PTPRG: variants seen among roughly 807,000 people sequenced by gnomAD.
PTPRG encodes protein tyrosine phosphatase receptor type G.
Under a neutral mutation model 165.3 loss-of-function variants are expected in PTPRG, and 102 were observed. The ratio of observed to expected loss-of-function variants is 0.62; its 90% CI spans 0.53 to 0.73. The LOEUF (loss-of-function observed/expected upper bound fraction) is 0.73. Ranked by LOEUF, PTPRG falls within the 30% of genes least tolerant of loss-of-function variation. The probability of loss-of-function intolerance (pLI) is 0.00; values close to 1 mark genes in which losing one functional copy is unlikely to be tolerated. For missense variants in PTPRG, 1,866 were observed against 1,861.4 expected (o/e 1.00, Z -0.05); for synonymous variants, 675 against 669.5 (o/e 1.01, Z -0.13).
intron 2 of PTPRG, among the ~76,000 whole-genome samples, chr3:61,895,557 C>T (rs775910358): frequency 2.6e-5 from 4 of 152,164 alleles, no homozygotes; most frequent in African/African-American, 4.8e-5. Context: ...GAGCAATTAT[C>T]CACATGTCTT....
intron 2 of PTPRG, 138 bp downstream of exon 2, chr3:61,749,120 A>G: frequency 1.3e-6 from 1 of 781,850 alleles, no homozygotes; most frequent in Non-Finnish European, 2.2e-6. Context: ...AAGTTGAAAT[A>G]TTCGAGCCTG....
intron 8 of PTPRG, among the ~76,000 whole-genome samples, chr3:62,176,435 A>G (rs1167007905): frequency 6.6e-6 from 1 of 152,196 alleles, no homozygotes; most frequent in Non-Finnish European, 1.5e-5. Flanking sequence ...TCCATCATCC[A>G]AGGGACCGCC....
chr3:61,577,359 C>A (rs1700192961), intron 1 of PTPRG, among the ~76,000 whole-genome samples: 1 of 152,090 alleles, frequency 6.6e-6, no homozygotes, highest in African/African-American at 2.4e-5. Flanking sequence ...TGAGCCTTTG[C>A]TTAATGAATG....
chr3:62,125,514 C>A (rs892930728), intron 5 of PTPRG, among the ~76,000 whole-genome samples: 11 of 152,158 alleles, frequency 7.2e-5, no homozygotes, highest in African/African-American at 2.7e-4. Flanking sequence ...CTGCCTTCTC[C>A]ACTAAGCCTT....
intron 2 of PTPRG, among the ~76,000 whole-genome samples, chr3:61,967,846 T>G (rs2107653737): frequency 6.6e-6 from 1 of 152,296 alleles, no homozygotes; most frequent in South Asian, 2.1e-4. Context: ...AACAAAAGCT[T>G]GTGTGTGCGT....
At position 62,136,421 on chromosome 3, in the gene PTPRG, C is replaced by G. The variant is rs141036387; in HGVS notation, c.682+3753C>G. Among the ~76,000 whole-genome samples, 6 of 152,190 alleles carry G rather than the reference C, an allele frequency of 3.9e-5. No individual in the cohort carries two copies. The East Asian group carries it at 1.2e-3, about 30-fold the overall frequency. ...GACAGAGAAGGGATGCAGGCAGGACCAGTATAGATGAAGGTGTCTGTTGGT... is the reference window on the plus strand; with the variant it reads ...GACAGAGAAGGGATGCAGGCAGGACGAGTATAGATGAAGGTGTCTGTTGGT... On this transcript the variant is annotated intron_variant, in intron 6 of 29. Transcript: ENST00000474889.
rs887525882 is a variant in PTPRG, at chr3:61,889,745, C to G, written c.191-99880C>G. ...ATCACACTCTTCCCCAGAAATCAAT[C>G]ATGCCTTCTTAAACTATTTCCATCC... On this transcript the variant is annotated intron_variant, in intron 2 of 29. Coordinates refer to ENST00000474889, the MANE Select transcript of PTPRG (RefSeq NM_002841.4). 2.0e-5 allele frequency among the ~76,000 whole-genome samples: 3 copies of G among 152,208 alleles called. No homozygotes were observed. In the South Asian group the frequency reaches 6.2e-4, roughly 31 times the overall value.
intron 1 of PTPRG, among the ~76,000 whole-genome samples, chr3:61,735,294 T>C (rs1170707949): frequency 1.3e-5 from 2 of 152,220 alleles, no homozygotes; most frequent in Non-Finnish European, 2.9e-5. Context: ...GAGACTCGTA[T>C]TGTGTTATTT....
intron 7 of PTPRG, among the ~76,000 whole-genome samples, chr3:62,165,751 A>G (rs1330656419): frequency 1.3e-5 from 2 of 152,210 alleles, no homozygotes; most frequent in East Asian, 1.9e-4. Context: ...GGGAGGTAGA[A>G]TGATAGGTGA....
At chr3:61,600,523 G>A (rs1336972671) in intron 1 of PTPRG, among the ~76,000 whole-genome samples, 1 of 151,886 alleles carries the variant, frequency 6.6e-6, no homozygotes, top group Admixed American at 6.6e-5. Context: ...ATGATGATGT[G>A]GTTTTGGTTC....
chr3:62,046,719 CCAAA>C (rs1255510471), intron 4 of PTPRG, among the ~76,000 whole-genome samples: 1 of 151,972 alleles, frequency 6.6e-6, no homozygotes, highest in African/African-American at 2.4e-5. Flanking sequence ...TGAACTAGTC[CCAAA>C]CAAAGATTTT....
chr3:61,907,327 G>GTC (rs2038681865), intron 2 of PTPRG, among the ~76,000 whole-genome samples: 1 of 152,068 alleles, frequency 6.6e-6, no homozygotes, highest in Non-Finnish European at 1.5e-5. Flanking sequence ...AAGGCACATG[G>GTC]TCTCTCTCCC....
At chr3:62,021,170 G>A (rs1177943090) in intron 4 of PTPRG, among the ~76,000 whole-genome samples, 4 of 152,208 alleles carry the variant, frequency 2.6e-5, no homozygotes, top group East Asian at 3.8e-4. Flanking sequence ...ACTTAGAAAC[G>A]TATAGTTTAG....
chr3:62,281,687 A>G lies in PTPRG; in HGVS notation c.3890A>G (p.Asp1297Gly), dbSNP rs767941223. 2.5e-6 allele frequency: 4 copies of G among 1,611,506 alleles called. No homozygotes were observed. Among genetic ancestry groups the G allele is most frequent in the Non-Finnish European group, 2.5e-6 (3 of 1,178,650 alleles). Residue 1297 changes from aspartate to glycine, a missense_variant, in exon 27 of 30, where the codon GAC (aspartate) becomes GGC (glycine). This residue lies in a region of PTPRG where 1,452 missense variants were observed against 1,463.0 expected (regional missense o/e 0.99). Coordinates refer to ENST00000474889, the MANE Select transcript of PTPRG (RefSeq NM_002841.4). Reference protein sequence around the residue: ...LSNEEQIIIHDFILEATQDDY... With the variant: ...LSNEEQIIIHGFILEATQDDY... Reference sequence around the variant, plus strand: ...AATGAAGAACAAATTATCATCCATGACTTTATCCTTGAAGCTACACAGGTA... The same window carrying G: ...AATGAAGAACAAATTATCATCCATGGCTTTATCCTTGAAGCTACACAGGTA...
chr3:62,273,132 T>A lies in PTPRG; in HGVS notation c.3318+51T>A. The A allele has an allele frequency of 8.5e-6, 13 of 1,536,550 alleles. No individual in the cohort carries two copies. The highest frequency in any genetic ancestry group is 1.1e-5 in the Non-Finnish European group (13 of 1,141,870). On this transcript the variant is annotated intron_variant, in intron 22 of 29. Coordinates refer to ENST00000474889, the MANE Select transcript of PTPRG (RefSeq NM_002841.4). This position sits in a 1 kb window ranked among gnomAD's most constrained non-coding sequence, Gnocchi z 4.1. ...ACGACATTCTGGCAAATGCTGTAAC[T>A]GAAATTTGTTAAATGATAATGAAGA... is the stretch of plus-strand genomic sequence containing the variant.
Position 62,281,596 on chromosome 3 carries a change from G to A in PTPRG, c.3799G>A (p.Glu1267Lys). ...EDEFVYWPSREESMNCEAFTV... is the reference protein window; with the variant it reads ...EDEFVYWPSRKESMNCEAFTV... The stretch of plus-strand genomic sequence containing the variant: ...TGAGTTTGTGTACTGGCCAAGTCGA[G>A]AAGAATCCATGAACTGTGAGGCCTT... The change falls in exon 27 of 30, where the codon GAA (glutamate) becomes AAA (lysine). Residue 1267 changes from glutamate to lysine, a missense_variant. Around this residue, in one of 3 missense-constraint regions of PTPRG, gnomAD observed 1,452 missense variants for 1,463.0 expected, o/e 0.99. Transcript: ENST00000474889. 1 of 1,471,770 alleles carries A rather than the reference G, an allele frequency of 6.8e-7. No individual in the cohort carries two copies. The highest frequency in any genetic ancestry group is 9.1e-7 in the Non-Finnish European group (1 of 1,096,410). The allele number at this position is 1,471,770 out of a possible 1,614,324, so 91.2% of individuals were successfully genotyped here. A position where few individuals can be genotyped will look rare whatever the true frequency, so the allele number is the denominator to read the frequency against.
intron 2 of PTPRG, among the ~76,000 whole-genome samples, chr3:61,811,094 G>A (rs756001284): frequency 7.9e-5 from 12 of 152,158 alleles, no homozygotes; most frequent in Non-Finnish European, 1.2e-4. Flanking sequence ...TTGTGACTCT[G>A]CTGTGCCTCC....
chr3:61,613,989 A>G (rs999541130), intron 1 of PTPRG, among the ~76,000 whole-genome samples: 2 of 152,310 alleles, frequency 1.3e-5, no homozygotes, highest in Admixed American at 6.5e-5. Flanking sequence ...ATTTACTGCT[A>G]TTGACTTGGT....
chr3:61,699,817 C>T (rs1181172153), intron 1 of PTPRG, among the ~76,000 whole-genome samples: 1 of 152,138 alleles, frequency 6.6e-6, no homozygotes, highest in Non-Finnish European at 1.5e-5. Context: ...AGGAAAATGC[C>T]TGTGATGACA....
Sources: gnomAD v4.1 joint callset for allele counts (sites outside exome capture counted in the v4.1 genomes callset) on GRCh38, gnomAD v4.1.1 for gene constraint, gnomAD v4.1.1 regional missense constraint, Gnocchi (gnomAD v3.1) non-coding constraint, MANE v1.5 for transcripts, NCBI Gene and HGNC (gene_info 2026-07-23, HGNC 2026-07-21) for gene names.